VPS13A: variants seen among roughly 807,000 people sequenced by gnomAD.
The protein encoded by VPS13A is vacuolar protein sorting 13 homolog A.
In VPS13A, 264 loss-of-function variants were observed where a neutral mutation model predicts 390.9. The observed-to-expected ratio is 0.68, with a 90% confidence interval of 0.61 to 0.75. The LOEUF is 0.75. VPS13A is among the 30% of genes least tolerant of loss of function. The pLI is 0.00. For synonymous variants in VPS13A, 1,231 were observed against 1,227.1 expected (o/e 1.00, Z -0.07); for missense variants, 3,409 against 3,733.9 (o/e 0.91, Z 2.27).
At chr9:77,407,858 C>A (rs1487963301) in intron 71 of VPS13A, among the ~76,000 whole-genome samples, 1 of 151,932 alleles carries the variant, frequency 6.6e-6, no homozygotes, top group Non-Finnish European at 1.5e-5. Flanking sequence ...TAAATGCTAA[C>A]TCTAATTAAT....
intron 45 of VPS13A, among the ~76,000 whole-genome samples, chr9:77,330,571 A>G (rs1176934109): frequency 2.0e-5 from 3 of 152,178 alleles, no homozygotes; most frequent in African/African-American, 4.8e-5. Context: ...CTCCATTTAC[A>G]TCAGTGATAA....
At chr9:77,250,300 A>G in intron 21 of VPS13A, 71 bp downstream of exon 21, 1 of 1,537,172 alleles carries the variant, frequency 6.5e-7, no homozygotes, top group Non-Finnish European at 8.9e-7. Context: ...GACACTTTGA[A>G]GACCTTCCTC....
chr9:77,364,773 A>T (rs1320724684), intron 59 of VPS13A, among the ~76,000 whole-genome samples: 1 of 152,164 alleles, frequency 6.6e-6, no homozygotes, highest in Non-Finnish European at 1.5e-5. Flanking sequence ...CCATTCCTAG[A>T]GGCCTTAAAT....
chr9:77,316,447 T>A, intron 39 of VPS13A, 41 bp downstream of exon 39: 1 of 1,560,182 alleles, frequency 6.4e-7, no homozygotes, highest in Non-Finnish European at 8.8e-7. Context: ...TGTAACTATT[T>A]TGGATGTAGT....
At position 77,316,524 on chromosome 9, in the gene VPS13A, T is replaced by A. The variant is rs544567679; in HGVS notation, c.4863+118T>A. 1.6e-5 allele frequency: 13 copies of A among 838,100 alleles called. No individual in the cohort carries two copies. In the African/African-American group the frequency reaches 2.2e-4, roughly 14 times the overall value. The allele number at this position is 838,100 out of a possible 1,614,324, so 51.9% of individuals were successfully genotyped here. A position where few individuals can be genotyped will look rare whatever the true frequency, so the allele number is the denominator to read the frequency against. Reference sequence around the variant, plus strand: ...AACCTTGCTCTGTAAAATGTCTTTCTCTCTGCTTAGAGAGCTTAATTTAGA... The same window carrying A: ...AACCTTGCTCTGTAAAATGTCTTTCACTCTGCTTAGAGAGCTTAATTTAGA... On this transcript the variant is annotated intron_variant, in intron 39 of 71. Transcript: ENST00000360280.
At chr9:77,317,739 A>C (rs758688168) in intron 40 of VPS13A, 41 bp downstream of exon 40, 2 of 1,450,640 alleles carry the variant, frequency 1.4e-6, no homozygotes, top group Non-Finnish European at 1.9e-6. Context: ...AGTGCACTTA[A>C]AAAAAGTAGT....
At chr9:77,183,259 T>C (rs1046755688) in intron 1 of VPS13A, among the ~76,000 whole-genome samples, 5 of 152,226 alleles carry the variant, frequency 3.3e-5, no homozygotes, top group Non-Finnish European at 5.9e-5. Flanking sequence ...AAGTCTACAA[T>C]TTGATAAGTT....
At chr9:77,385,144 T>A (rs866732832) in intron 68 of VPS13A, 1 of 956,442 alleles carries the variant, frequency 1.0e-6, no homozygotes, top group Non-Finnish European at 1.2e-6. Context: ...ATTTTAAAGA[T>A]ATTTTTGTCA....
At chr9:77,358,306 C>A in intron 56 of VPS13A, 51 bp from the exon 57 acceptor site, 2 of 1,421,492 alleles carry the variant, frequency 1.4e-6, no homozygotes, top group South Asian at 1.2e-5. Context: ...TTATTCTGGT[C>A]AGGTTGTATA....
At chr9:77,371,930 C>T (rs958090657) in intron 67 of VPS13A, among the ~76,000 whole-genome samples, 6 of 143,688 alleles carry the variant, frequency 4.2e-5, no homozygotes, top group Non-Finnish European at 7.6e-5. Flanking sequence ...CGATAGTTTA[C>T]TGAGAATGAT....
At chr9:77,303,479 A>G (rs1216379870) in intron 34 of VPS13A, among the ~76,000 whole-genome samples, 1 of 152,138 alleles carries the variant, frequency 6.6e-6, no homozygotes, top group East Asian at 1.9e-4. Flanking sequence ...GTGGGATGAG[A>G]GACTGAGAAA....
intron 26 of VPS13A, among the ~76,000 whole-genome samples, chr9:77,278,208 C>T (rs970655531): frequency 2.5e-4 from 37 of 150,376 alleles, no homozygotes; most frequent in Middle Eastern, 3.5e-3. Flanking sequence ...GTAGCTGGGA[C>T]TACAGGCGCC....
At chr9:77,316,620 A>G (rs1387476914) in intron 39 of VPS13A, among the ~76,000 whole-genome samples, 1 of 152,100 alleles carries the variant, frequency 6.6e-6, no homozygotes, top group Non-Finnish European at 1.5e-5. Context: ...ATTTGTGGGA[A>G]TATTGTCACT....
rs1830599381 is a variant in VPS13A, at chr9:77,337,492, C to G, written c.6333C>G (p.Ile2111Met). The change falls in exon 47 of 72, where the codon ATC becomes ATG. Residue 2111 changes from isoleucine (I) to methionine (M), a missense_variant. Transcript: ENST00000360280. ...ACATAATGCATTTGTGGCCACCTAT[C>G]CTGCTCCGAAATCTTCTTCCTTACA... ...LPYIMHLWPP[I>M]LLRNLLPYKI... 6.2e-7 allele frequency: 1 copy of G among 1,613,202 alleles called. No individual in the cohort carries two copies. Among genetic ancestry groups the G allele is most frequent in the African/African-American group, 1.3e-5 (1 of 74,884 alleles).
At chr9:77,405,798 CTGT>C (rs1587728120) in intron 69 of VPS13A, 63 bp from the exon 70 acceptor site, 6 of 1,594,974 alleles carry the variant, frequency 3.8e-6, no homozygotes, top group East Asian at 2.2e-5. Flanking sequence ...CATTCGTATC[CTGT>C]TGTTATTGGA....
At chr9:77,218,208 G>A (rs1299198672) in intron 10 of VPS13A, among the ~76,000 whole-genome samples, 1 of 150,764 alleles carries the variant, frequency 6.6e-6, no homozygotes, top group Non-Finnish European at 1.5e-5. Context: ...CCACCTCACG[G>A]GTTCATGCCA....
At chr9:77,225,839 G>T in intron 13 of VPS13A, 87 bp from the exon 14 acceptor site, 1 of 984,898 alleles carries the variant, frequency 1.0e-6, no homozygotes, top group South Asian at 1.4e-5. Context: ...CTTTTCTTTA[G>T]TGCAGCCATT....
intron 15 of VPS13A, 109 bp downstream of exon 15, chr9:77,226,707 T>C (rs748783602): frequency 1.0e-6 from 1 of 960,602 alleles, no homozygotes. Flanking sequence ...TTTATTTAAT[T>C]ATATATAAAG....
At chr9:77,214,269 C>T (rs987612563) in intron 9 of VPS13A, 60 bp from the exon 10 acceptor site, 5 of 1,458,346 alleles carry the variant, frequency 3.4e-6, no homozygotes, top group East Asian at 4.6e-5. Flanking sequence ...GGGGGAGACT[C>T]CATCTCAAAA....
Sources: gnomAD v4.1 joint callset for allele counts (sites outside exome capture counted in the v4.1 genomes callset) on GRCh38, gnomAD v4.1.1 for gene constraint, MANE v1.5 for transcripts, NCBI Gene and HGNC (gene_info 2026-07-23, HGNC 2026-07-21) for gene names.